The following PLA2R1 variants were observed in gnomAD, a reference collection of about 807,000 sequenced individuals.
PLA2R1 encodes phospholipase A2 receptor 1.
PLA2R1 carries 158 observed loss-of-function variants against 195.9 expected under a neutral mutation model. That is an observed-to-expected ratio of 0.81 (90% confidence interval 0.71 to 0.92). The LOEUF is 0.92. Ranked by LOEUF, PLA2R1 falls within the 40% of genes least tolerant of loss-of-function variation. PLA2R1 has a pLI of 0.00. For missense variants in PLA2R1, 1,626 were observed against 1,764.6 expected (o/e 0.92, Z 1.41); for synonymous variants, 586 against 598.2 (o/e 0.98, Z 0.30).
intron 28 of PLA2R1, 39 bp downstream of exon 28, chr2:159,944,867 T>C (rs778767618): frequency 5.4e-6 from 8 of 1,488,784 alleles, no homozygotes; most frequent in Middle Eastern, 1.7e-4. Context: ...TTAGTTAAGG[T>C]AGAATCAAAA....
chr2:159,956,692 C>A, intron 20 of PLA2R1, 65 bp from the exon 21 acceptor site: 2 of 963,950 alleles, frequency 2.1e-6, no homozygotes, highest in Non-Finnish European at 3.3e-6. Context: ...AAAAATTTCC[C>A]AAAGACACTG....
At chr2:160,031,939 G>T (rs527681027) in intron 4 of PLA2R1, among the ~76,000 whole-genome samples, 1 of 152,116 alleles carries the variant, frequency 6.6e-6, no homozygotes, top group African/African-American at 2.4e-5. Flanking sequence ...GCAAATTTTT[G>T]TATTTTTAGT....
Position 159,948,882 on chromosome 2 carries a change from C to T in PLA2R1, c.3709+726G>A, listed in dbSNP as rs74666065. On this transcript the variant is annotated intron_variant, in intron 25 of 29. Coordinates refer to ENST00000283243, the MANE Select transcript of PLA2R1 (RefSeq NM_007366.5). ...CCAGCTTGTGTTAGTGAATTCTATGCAGGAAACTTGATTTCTACTCTTGGT... is the reference window on the plus strand; with the variant it reads ...CCAGCTTGTGTTAGTGAATTCTATGTAGGAAACTTGATTTCTACTCTTGGT... Among the ~76,000 whole-genome samples the T allele has an allele frequency of 1.3e-3, 202 of 152,266 alleles. 4 individuals carry two copies. The East Asian group carries it at 0.036, about 27-fold the overall frequency.
chr2:160,028,776 T>C, intron 5 of PLA2R1, 74 bp downstream of exon 5: 3 of 861,188 alleles, frequency 3.5e-6, no homozygotes, highest in Admixed American at 1.8e-5. Flanking sequence ...ATGTCCTATG[T>C]GCATGGGAAA....
At chr2:159,976,826 C>A in intron 15 of PLA2R1, 106 bp from the exon 16 acceptor site, 2 of 846,786 alleles carry the variant, frequency 2.4e-6, no homozygotes, top group South Asian at 2.8e-5. Flanking sequence ...TCTTTTAAAA[C>A]ATCACTTTAA....
chr2:160,051,628 T>C (rs915513392), intron 1 of PLA2R1, among the ~76,000 whole-genome samples: 2 of 152,210 alleles, frequency 1.3e-5, no homozygotes, highest in African/African-American at 4.8e-5. Flanking sequence ...CTGATTACGT[T>C]CCTAAGATTA....
rs2105277791 is a variant in PLA2R1, at chr2:159,977,421, A to C, written c.2269-5T>G. ...GTCTAAAAACGAAGAGACAACCTGC[A>C]GCAGATGAAGTTCATTATTCCTTAA... On this transcript the variant is annotated splice_region_variant and splice_polypyrimidine_tract_variant and intron_variant, in intron 14 of 29. Coordinates refer to ENST00000283243, the MANE Select transcript of PLA2R1 (RefSeq NM_007366.5). The C allele has an allele frequency of 6.2e-7, 1 of 1,612,808 alleles. No homozygotes were observed. Among genetic ancestry groups the C allele is most frequent in the East Asian group, 2.2e-5 (1 of 44,796 alleles).
intron 13 of PLA2R1, among the ~76,000 whole-genome samples, chr2:159,981,980 T>G (rs1357811968): frequency 6.6e-6 from 1 of 152,184 alleles, no homozygotes; most frequent in Non-Finnish European, 1.5e-5. Flanking sequence ...ATTATATGAC[T>G]TTTGTGATCA....
Position 160,027,042 on chromosome 2 carries a change from A to G in PLA2R1, c.1099+1176T>C, listed in dbSNP as rs575362681. ...CAGCTACTCGAGAGGCTGAGGCAGA[A>G]TTGCTTGAACCCAGGAGGCGGAGGT... On this transcript the variant is annotated intron_variant, in intron 6 of 29. Coordinates refer to ENST00000283243, the MANE Select transcript of PLA2R1 (RefSeq NM_007366.5). 2.0e-5 allele frequency among the ~76,000 whole-genome samples: 3 copies of G among 152,322 alleles called. No individual in the cohort carries two copies. The East Asian group carries it at 5.8e-4, about 29-fold the overall frequency.
intron 7 of PLA2R1, 144 bp downstream of exon 7, chr2:160,022,521 T>C (rs1010711005): frequency 6.9e-6 from 3 of 434,978 alleles, no homozygotes; most frequent in Admixed American, 4.1e-5. Flanking sequence ...AAATTTGAAC[T>C]CCTGAATAAC....
chr2:159,975,715 T>C (rs1260014064), intron 17 of PLA2R1, among the ~76,000 whole-genome samples: 1 of 152,074 alleles, frequency 6.6e-6, no homozygotes, highest in Non-Finnish European at 1.5e-5. Flanking sequence ...TCCATGAAGA[T>C]AGGAATTTGG....
At position 159,934,941 on chromosome 2, in the gene PLA2R1, G is replaced by A. The variant is rs1485852750; in HGVS notation, c.*6837C>T. On this transcript the variant is annotated 3_prime_UTR_variant, in exon 30 of 30. Transcript: ENST00000283243. The stretch of plus-strand genomic sequence containing the variant: ...ATTTCAACTTGCACGTAGTTGTCAT[G>A]TCTCTTTAGTGTCCTCCAATCCTTG... 6.6e-6 allele frequency: 1 copy of A among 152,110 alleles called. No individual in the cohort carries two copies. Among genetic ancestry groups the A allele is most frequent in the Admixed American group, 6.5e-5 (1 of 15,272 alleles). 9.4% of individuals were successfully genotyped at this position (152,110 alleles called of 1,614,324 possible).
chr2:160,027,324 C>A (rs191539095), intron 6 of PLA2R1, among the ~76,000 whole-genome samples: 33 of 151,130 alleles, frequency 2.2e-4, no homozygotes, highest in Non-Finnish European at 4.6e-4. Context: ...AGAGAAGGAA[C>A]GGAGAAAGGA....
chr2:159,964,794 A>G (rs1242285056), intron 20 of PLA2R1, among the ~76,000 whole-genome samples: 5 of 151,994 alleles, frequency 3.3e-5, no homozygotes, highest in Non-Finnish European at 7.4e-5. Context: ...ACTTTGGGAG[A>G]CCAAGGCGGG....
intron 19 of PLA2R1, 116 bp downstream of exon 19, chr2:159,969,140 A>T (rs1688977393): frequency 1.6e-6 from 1 of 610,124 alleles, no homozygotes; most frequent in Admixed American, 2.9e-5. Context: ...GAACACGTCA[A>T]CTGAAAAGAG....
Position 159,936,207 on chromosome 2 carries a change from C to T in PLA2R1, c.*5571G>A, listed in dbSNP as rs1686824596. On this transcript the variant is annotated 3_prime_UTR_variant, in exon 30 of 30. Transcript: ENST00000283243. ...CACCTCGTGATCCACCCGCCTCGGC[C>T]TCCCAAAGTTGCTGGGATTACAGGC... 1 of 152,196 alleles carries T rather than the reference C, an allele frequency of 6.6e-6. No homozygotes were observed. Among genetic ancestry groups the T allele is most frequent in the Non-Finnish European group, 1.5e-5 (1 of 68,068 alleles). The allele number at this position is 152,196 out of a possible 1,614,324, so 9.4% of individuals were successfully genotyped here. A position where few individuals can be genotyped will look rare whatever the true frequency, so the allele number is the denominator to read the frequency against.
intron 1 of PLA2R1, among the ~76,000 whole-genome samples, chr2:160,046,705 A>G (rs1351078225): frequency 6.6e-6 from 1 of 152,158 alleles, no homozygotes; most frequent in African/African-American, 2.4e-5. Context: ...TTTGATCACC[A>G]TACATAAGAG....
At chr2:160,009,521 T>C (rs1692216484) in intron 10 of PLA2R1, among the ~76,000 whole-genome samples, 1 of 151,984 alleles carries the variant, frequency 6.6e-6, no homozygotes, top group South Asian at 2.1e-4. Flanking sequence ...GTTGCCAGGG[T>C]CTGGGAGGAG....
At chr2:159,997,503 C>T (rs947588984) in intron 11 of PLA2R1, among the ~76,000 whole-genome samples, 1 of 152,078 alleles carries the variant, frequency 6.6e-6, no homozygotes, top group Non-Finnish European at 1.5e-5. Flanking sequence ...TTTTCCTCTC[C>T]CTCTGCTGGA....
Sources: allele counts gnomAD v4.1 joint callset (sites outside exome capture counted in the v4.1 genomes callset), GRCh38; gene constraint gnomAD v4.1.1; transcripts MANE v1.5; gene names NCBI Gene and HGNC (gene_info 2026-07-23, HGNC 2026-07-21).